The following BBOX1 variants were observed in gnomAD, a reference collection of about 807,000 sequenced individuals.
BBOX1 encodes gamma-butyrobetaine dioxygenase.
BBOX1 carries 35 observed loss-of-function variants against 41.6 expected under a neutral mutation model. The observed-to-expected ratio is 0.84, with a 90% confidence interval of 0.64 to 1.11. The LOEUF is 1.11. BBOX1 is among the 50% of genes most tolerant of loss of function. BBOX1 has a pLI of 0.00. For synonymous variants in BBOX1, 163 were observed against 154.7 expected (o/e 1.05, Z -0.40); for missense variants, 458 against 460.6 (o/e 0.99, Z 0.05).
chr11:27,095,373 C>T (rs144445440), intron 5 of BBOX1, among the ~76,000 whole-genome samples: 13 of 132,254 alleles, frequency 9.8e-5, no homozygotes, highest in Non-Finnish European at 1.5e-4. Flanking sequence ...TGATTTATTA[C>T]GTGTGTTGTT....
chr11:27,081,518 G>A lies in BBOX1; in HGVS notation c.335-11650G>A, dbSNP rs189460393. Among the ~76,000 whole-genome samples the A allele has an allele frequency of 3.3e-3, 497 of 152,186 alleles. 2 individuals carry two copies. The highest frequency in any genetic ancestry group is 0.011 in the African/African-American group (476 of 41,530). Reference sequence around the variant, plus strand: ...GTGAATAGTGCCACAATAAACATACGTGTGCATGTGTCTTTATAGTAGAGT... The same window carrying A: ...GTGAATAGTGCCACAATAAACATACATGTGCATGTGTCTTTATAGTAGAGT... On this transcript the variant is annotated intron_variant, in intron 4 of 8. Transcript: ENST00000263182.
intron 6 of BBOX1, 34 bp downstream of exon 6, chr11:27,115,591 T>C: frequency 6.5e-7 from 1 of 1,538,534 alleles, no homozygotes; most frequent in South Asian, 1.1e-5. Context: ...CCACAAAGCA[T>C]GATGATGACC....
intron 5 of BBOX1, among the ~76,000 whole-genome samples, chr11:27,094,766 T>C (rs935707658): frequency 5.9e-5 from 9 of 151,906 alleles, no homozygotes; most frequent in African/African-American, 1.9e-4. Context: ...TGTTTAGACT[T>C]AGACAACACA....
chr11:27,071,168 A>G lies in BBOX1; in HGVS notation c.334+13853A>G, dbSNP rs1418320946. Among the ~76,000 whole-genome samples, 3 of 152,014 alleles carry G rather than the reference A, an allele frequency of 2.0e-5. No homozygotes were observed. The East Asian group carries it at 5.8e-4, about 29-fold the overall frequency. The stretch of plus-strand genomic sequence containing the variant: ...GGAGGGCAGATCACAAGGTCAGGAA[A>G]TCAAGACCATCCTGGCTAACACAGT... On this transcript the variant is annotated intron_variant, in intron 4 of 8. Transcript: ENST00000263182.
intron 5 of BBOX1, among the ~76,000 whole-genome samples, chr11:27,104,845 A>G (rs1238750831): frequency 1.3e-5 from 2 of 152,150 alleles, no homozygotes; most frequent in African/African-American, 4.8e-5. Context: ...ACCGCCCATT[A>G]GGGGCAGACT....
chr11:27,106,460 C>T (rs1380281086), intron 5 of BBOX1, among the ~76,000 whole-genome samples: 3 of 152,124 alleles, frequency 2.0e-5, no homozygotes, highest in Non-Finnish European at 2.9e-5. Context: ...ATAAAACAGA[C>T]TTTAAAACAG....
chr11:27,118,637 A>G (rs185962701), intron 6 of BBOX1, among the ~76,000 whole-genome samples: 1 of 152,090 alleles, frequency 6.6e-6, no homozygotes, highest in Non-Finnish European at 1.5e-5. Context: ...ATTGGGTTTT[A>G]TACATGACAG....
chr11:27,054,712 A>G (rs1429240961), intron 2 of BBOX1, among the ~76,000 whole-genome samples: 1 of 152,238 alleles, frequency 6.6e-6, no homozygotes, highest in Admixed American at 6.5e-5. Context: ...GGCACACTCT[A>G]TTGATATGCA....
At chr11:27,110,092 C>T (rs1258189745) in intron 5 of BBOX1, among the ~76,000 whole-genome samples, 4 of 151,878 alleles carry the variant, frequency 2.6e-5, no homozygotes, top group African/African-American at 7.3e-5. Context: ...CTCTCATATC[C>T]TACATCCAAT....
chr11:27,061,158 C>A (rs1476468162), intron 4 of BBOX1, among the ~76,000 whole-genome samples: 3 of 152,070 alleles, frequency 2.0e-5, no homozygotes, highest in Admixed American at 6.5e-5. Context: ...TTTATTATTA[C>A]AGCTTAAGCT....
chr11:27,087,632 T>G (rs1292762871), intron 4 of BBOX1, among the ~76,000 whole-genome samples: 5 of 152,082 alleles, frequency 3.3e-5, no homozygotes, highest in Non-Finnish European at 7.4e-5. Context: ...TCCAAGGGTA[T>G]GTCTATATCC....
chr11:27,071,997 T>C (rs189993010), intron 4 of BBOX1, among the ~76,000 whole-genome samples: 1 of 151,696 alleles, frequency 6.6e-6, no homozygotes, highest in East Asian at 1.9e-4. Flanking sequence ...AACATTCCCT[T>C]TGAAAACTGG....
At position 27,127,419 on chromosome 11, in the gene BBOX1, G is replaced by A. The variant is rs150509855; in HGVS notation, c.1130G>A (p.Arg377His). 8 of 1,612,734 alleles carry A rather than the reference G, an allele frequency of 5.0e-6. No individual in the cohort carries two copies. Among genetic ancestry groups the A allele is most frequent in the African/African-American group, 1.3e-5 (1 of 74,856 alleles). The change falls in exon 9 of 9, where the codon CGT becomes CAT. Residue 377 changes from arginine (R) to histidine (H), a missense_variant. Physicochemically the swap from Arg to His is conservative, Grantham distance 29. Coordinates refer to ENST00000263182, the MANE Select transcript of BBOX1 (RefSeq NM_003986.3). ...TGGGATGTGGTCATGTCAAGGCTTC[G>A]TATCTTAAGGCAGAGGGTGGAGAAT... Reference protein sequence around the residue: ...ADWDVVMSRLRILRQRVENGN With the variant: ...ADWDVVMSRLHILRQRVENGN
At chr11:27,063,426 T>C (rs886095462) in intron 4 of BBOX1, among the ~76,000 whole-genome samples, 1 of 152,166 alleles carries the variant, frequency 6.6e-6, no homozygotes, top group Non-Finnish European at 1.5e-5. Flanking sequence ...GATATACATA[T>C]GAAGCTAAAT....
At chr11:27,100,472 T>C (rs746921418) in intron 5 of BBOX1, among the ~76,000 whole-genome samples, 2 of 152,116 alleles carry the variant, frequency 1.3e-5, no homozygotes, top group Non-Finnish European at 2.9e-5. Context: ...TTCTACTTTT[T>C]AAAAATTTAC....
intron 4 of BBOX1, among the ~76,000 whole-genome samples, chr11:27,090,353 C>T (rs1858200029): frequency 6.6e-6 from 1 of 151,894 alleles, no homozygotes; most frequent in Admixed American, 6.6e-5. Flanking sequence ...ACCATGATGC[C>T]AGCCTGAGTC....
chr11:27,104,148 T>C (rs1416051352), intron 5 of BBOX1, among the ~76,000 whole-genome samples: 2 of 152,136 alleles, frequency 1.3e-5, no homozygotes, highest in Non-Finnish European at 2.9e-5. Context: ...TTCCAGACTA[T>C]TCAGATCCCT....
chr11:27,093,135 C>G (rs1030713261), intron 4 of BBOX1, 33 bp from the exon 5 acceptor site: 3 of 1,583,880 alleles, frequency 1.9e-6, no homozygotes, highest in Non-Finnish European at 2.6e-6. Context: ...AGAATGTAAT[C>G]CCATCTGATT....
intron 4 of BBOX1, among the ~76,000 whole-genome samples, chr11:27,061,155 T>C (rs942780059): frequency 3.3e-5 from 5 of 152,202 alleles, no homozygotes; most frequent in Non-Finnish European, 7.3e-5. Context: ...CTTTTTATTA[T>C]TACAGCTTAA....
Sources: gnomAD v4.1 joint callset for allele counts (sites outside exome capture counted in the v4.1 genomes callset) on GRCh38, gnomAD v4.1.1 for gene constraint, MANE v1.5 for transcripts, NCBI Gene and HGNC (gene_info 2026-07-23, HGNC 2026-07-21) for gene names.